TP63: variants seen among roughly 807,000 people sequenced by gnomAD.
The protein encoded by TP63 is tumor protein p63.
Under a neutral mutation model 82.8 loss-of-function variants are expected in TP63, and 17 were observed. The observed-to-expected ratio is 0.21, with a 90% CI of 0.14 to 0.31. The LOEUF (loss-of-function observed/expected upper bound fraction) is 0.31. Among genes scored for constraint, TP63 ranks in the 10% least tolerant of loss-of-function variants. The pLI is 1.00. For synonymous variants in TP63, 330 were observed against 321.7 expected (o/e 1.03, Z -0.28); for missense variants, 648 against 895.3 (o/e 0.72, Z 3.52).
chr3:189,648,705 T>G (rs1294763939), intron 1 of TP63, among the ~76,000 whole-genome samples: 1 of 147,350 alleles, frequency 6.8e-6, no homozygotes, highest in Non-Finnish European at 1.5e-5. Context: ...AGCCAGAATG[T>G]CACACTCAGA....
intron 1 of TP63, among the ~76,000 whole-genome samples, chr3:189,710,487 A>AT (rs56392209): frequency 0.089 from 13,402 of 150,022 alleles, 689 homozygotes; most frequent in South Asian, 0.17. Context: ...AGCCAAATAG[A>AT]TTTTTTTTTT....
intron 3 of TP63, among the ~76,000 whole-genome samples, chr3:189,765,091 A>G (rs1415446280): frequency 6.6e-6 from 1 of 152,194 alleles, no homozygotes; most frequent in Middle Eastern, 3.2e-3. Context: ...AGCAGAAACC[A>G]TCTTTGCTAT....
At position 189,881,029 on chromosome 3, in the gene TP63, G is replaced by T. The variant is rs1286300972; in HGVS notation, c.1350-5365G>T. Reference sequence around the variant, plus strand: ...CCAGTAATATTGCCCTTACGTAGTTGTTTACCATTATTCAAAGCTCAAAAT... The same window carrying T: ...CCAGTAATATTGCCCTTACGTAGTTTTTTACCATTATTCAAAGCTCAAAAT... On this transcript the variant is annotated intron_variant, in intron 10 of 13. Coordinates refer to ENST00000264731, the MANE Select transcript of TP63 (RefSeq NM_003722.5). The T allele has an allele frequency of 1.4e-5, 14 of 985,246 alleles. No homozygotes were observed. The East Asian group carries it at 1.5e-3, about 104-fold the overall frequency. The allele number at this position is 985,246 out of a possible 1,614,324, so 61.0% of individuals were successfully genotyped here.
chr3:189,848,406 G>T (rs1014875562), intron 4 of TP63, among the ~76,000 whole-genome samples: 1 of 151,068 alleles, frequency 6.6e-6, no homozygotes, highest in African/African-American at 2.4e-5. Context: ...TTTTGTATAG[G>T]CAGAGTCTTC....
intron 3 of TP63, among the ~76,000 whole-genome samples, chr3:189,805,816 A>T (rs1047840708): frequency 1.3e-5 from 2 of 152,212 alleles, no homozygotes; most frequent in African/African-American, 4.8e-5. Flanking sequence ...CAACAGAGTC[A>T]CCGTATACTT....
chr3:189,679,789 T>C lies in TP63; in HGVS notation c.62+48212T>C, dbSNP rs755366452. ...GGTTTTATGTAAAGTATTCAATTGG[T>C]ATTTATATTTGGCATAAAATAAGTA... On this transcript the variant is annotated intron_variant, in intron 1 of 13. Coordinates refer to ENST00000264731, the MANE Select transcript of TP63 (RefSeq NM_003722.5). Among the ~76,000 whole-genome samples the C allele has an allele frequency of 6.6e-5, 10 of 152,306 alleles. No individual in the cohort carries two copies. The South Asian group carries it at 1.4e-3, about 22-fold the overall frequency.
chr3:189,774,592 T>C lies in TP63; in HGVS notation c.325-33680T>C, dbSNP rs533647081. ...CAATATAGTATTGACTATAATCTCA[T>C]ATTTTTCCCACTTTATAATTTATAA... is the stretch of plus-strand genomic sequence containing the variant. On this transcript the variant is annotated intron_variant, in intron 3 of 13. Transcript: ENST00000264731. Among the ~76,000 whole-genome samples, 25 of 152,304 alleles carry C rather than the reference T, an allele frequency of 1.6e-4. No individual in the cohort carries two copies. The South Asian group carries it at 4.8e-3, about 29-fold the overall frequency.
chr3:189,825,829 T>G (rs1729292200), intron 4 of TP63, among the ~76,000 whole-genome samples: 2 of 152,204 alleles, frequency 1.3e-5, no homozygotes, highest in African/African-American at 4.8e-5. Flanking sequence ...CATGTACTTC[T>G]CAACACATCA....
At chr3:189,688,044 G>A (rs1716589167) in intron 1 of TP63, among the ~76,000 whole-genome samples, 1 of 151,430 alleles carries the variant, frequency 6.6e-6, no homozygotes, top group Non-Finnish European at 1.5e-5. Flanking sequence ...TTACAGCTTT[G>A]TAATTCTGTT....
At chr3:189,829,216 G>A (rs534022084) in intron 4 of TP63, among the ~76,000 whole-genome samples, 1 of 152,188 alleles carries the variant, frequency 6.6e-6, no homozygotes, top group Non-Finnish European at 1.5e-5. Flanking sequence ...TAAATCACCT[G>A]TCTACAGACC....
intron 3 of TP63, among the ~76,000 whole-genome samples, chr3:189,742,243 CAAA>C (rs140413709): frequency 0.11 from 8,307 of 77,344 alleles, 378 homozygotes; most frequent in East Asian, 0.13. Flanking sequence ...AACTCCATCC[CAAA>C]AAAAAAAAAA....
chr3:189,833,678 CTTT>C (rs10587481), intron 4 of TP63, among the ~76,000 whole-genome samples: 20 of 147,194 alleles, frequency 1.4e-4, no homozygotes, highest in African/African-American at 2.0e-4. Context: ...TTCTCTCTCT[CTTT>C]TTTTTTTTTT....
At chr3:189,716,939 C>T (rs1719006987) in intron 1 of TP63, among the ~76,000 whole-genome samples, 1 of 152,060 alleles carries the variant, frequency 6.6e-6, no homozygotes, top group African/African-American at 2.4e-5. Flanking sequence ...GCTGGGACTA[C>T]AGGCGATTGC....
chr3:189,796,775 A>G (rs1040914915), intron 3 of TP63, among the ~76,000 whole-genome samples: 11 of 152,098 alleles, frequency 7.2e-5, no homozygotes, highest in African/African-American at 2.7e-4. Flanking sequence ...TAGCACCTAT[A>G]CTATTCAAAA....
intron 3 of TP63, among the ~76,000 whole-genome samples, chr3:189,774,445 G>A (rs764145562): frequency 6.6e-6 from 1 of 152,170 alleles, no homozygotes; most frequent in Non-Finnish European, 1.5e-5. Context: ...TGTGAGCTGA[G>A]AAGTCTCAGG....
At chr3:189,872,428 C>CACACAT (rs1718544080) in intron 9 of TP63, among the ~76,000 whole-genome samples, 1 of 150,920 alleles carries the variant, frequency 6.6e-6, no homozygotes, top group East Asian at 1.9e-4. Flanking sequence ...CACACACACA[C>CACACAT]ACACATATTT....
intron 4 of TP63, among the ~76,000 whole-genome samples, chr3:189,817,010 A>G (rs1412439826): frequency 6.6e-6 from 1 of 151,888 alleles, no homozygotes; most frequent in Non-Finnish European, 1.5e-5. Context: ...GTGGGGGAAA[A>G]AAAAAACCCT....
chr3:189,744,973 C>G (rs1367897632), intron 3 of TP63, among the ~76,000 whole-genome samples: 2 of 152,168 alleles, frequency 1.3e-5, no homozygotes, highest in African/African-American at 2.4e-5. Context: ...ACAACCACAC[C>G]CTAAGCCACA....
intron 1 of TP63, among the ~76,000 whole-genome samples, chr3:189,636,717 G>A (rs1729806572): frequency 1.3e-5 from 2 of 152,080 alleles, no homozygotes; most frequent in Admixed American, 6.6e-5. Flanking sequence ...TTAATACAAG[G>A]AAGTAAGATA....
Sources: allele counts gnomAD v4.1 joint callset (sites outside exome capture counted in the v4.1 genomes callset), GRCh38; gene constraint gnomAD v4.1.1; transcripts MANE v1.5; gene names NCBI Gene and HGNC (gene_info 2026-07-23, HGNC 2026-07-21).